The following TTYH2 variants were observed in gnomAD, a reference collection of about 807,000 sequenced individuals.
TTYH2 encodes the protein protein tweety homolog 2.
In TTYH2, 49 loss-of-function variants were observed where a neutral mutation model predicts 68.3. The observed-to-expected ratio is 0.72, with a 90% CI of 0.57 to 0.91. The LOEUF (loss-of-function observed/expected upper bound fraction) is 0.91, where lower values mean the gene tolerates loss of function less well. Ranked by LOEUF, TTYH2 falls within the 40% of genes least tolerant of loss-of-function variation. The probability of loss-of-function intolerance (pLI) is 0.00; values close to 1 mark genes in which losing one functional copy is unlikely to be tolerated. For missense variants in TTYH2, 631 were observed against 700.4 expected (o/e 0.90, Z 1.12); for synonymous variants, 272 against 300.8 (o/e 0.90, Z 0.99).
Position 74,239,826 on chromosome 17 carries a change from T to TGTCTGATGATTCTCCTGATGCATGGGC in TTYH2, c.635+2313_635+2339dup, listed in dbSNP as rs2050481374. On this transcript the variant is annotated intron_variant, in intron 4 of 13. Transcript: ENST00000269346. The surrounding 1 kb of genome is among the most constrained non-coding windows in gnomAD (Gnocchi z 5.3). ...ACCTCCTGTGGCCCCAAAACAGGGG[T>TGTCTGATGATTCTCCTGATGCATGGGC]GTCTGATGATTCTCCTGATGCATGG... Among the ~76,000 whole-genome samples, 1 of 152,016 alleles carries TGTCTGATGATTCTCCTGATGCATGGGC rather than the reference T, an allele frequency of 6.6e-6. No homozygotes were observed. The highest frequency in any genetic ancestry group is 1.5e-5 in the Non-Finnish European group (1 of 67,990).
At chr17:74,252,633 C>T (rs2050645507) in intron 11 of TTYH2, among the ~76,000 whole-genome samples, 1 of 152,270 alleles carries the variant, frequency 6.6e-6, no homozygotes, top group South Asian at 2.1e-4. Flanking sequence ...AGGCCACAGT[C>T]TGGCCTCCCT....
chr17:74,243,901 G>T, intron 5 of TTYH2, 76 bp from the exon 6 acceptor site: 2 of 1,433,330 alleles, frequency 1.4e-6, no homozygotes, highest in Non-Finnish European at 9.5e-7. Flanking sequence ...CAAGGGTCTG[G>T]GGGCAGGGTG....
intron 13 of TTYH2, among the ~76,000 whole-genome samples, chr17:74,256,211 G>A (rs998242373): frequency 1.3e-5 from 2 of 152,166 alleles, no homozygotes; most frequent in Non-Finnish European, 2.9e-5. Context: ...AATAGGTGGC[G>A]TTTGAGCCAC....
intron 6 of TTYH2, among the ~76,000 whole-genome samples, chr17:74,244,593 G>A (rs1041177309): frequency 2.5e-5 from 3 of 118,262 alleles, no homozygotes; most frequent in African/African-American, 8.8e-5. Flanking sequence ...GTCTCAAAAT[G>A]GCTTAAAAAA....
Position 74,241,282 on chromosome 17 carries a change from TG to T in TTYH2, c.636-2091del, listed in dbSNP as rs1411907840. On this transcript the variant is annotated intron_variant, in intron 4 of 13. Coordinates refer to ENST00000269346, the MANE Select transcript of TTYH2 (RefSeq NM_032646.6). The surrounding 1 kb of genome is among the most constrained non-coding windows in gnomAD (Gnocchi z 4.1). ...TAATACGTGTGTGTGTGTGTGTGTG[TG>T]TGTGTGTGTGTGTGCGTGTAAAAAT... Among the ~76,000 whole-genome samples, 19 of 151,298 alleles carry T rather than the reference TG, an allele frequency of 1.3e-4. No homozygotes were observed. The highest frequency in any genetic ancestry group is 4.2e-4 in the African/African-American group (17 of 40,908).
chr17:74,252,133 C>T, intron 10 of TTYH2, 101 bp from the exon 11 acceptor site: 1 of 1,504,886 alleles, frequency 6.6e-7, no homozygotes, highest in Non-Finnish European at 9.0e-7. Context: ...CCAGGAGACC[C>T]CAGGTCCAGG....
intron 13 of TTYH2, among the ~76,000 whole-genome samples, chr17:74,256,741 T>C (rs142014214): frequency 1.6e-4 from 24 of 152,330 alleles, no homozygotes; most frequent in Middle Eastern, 6.8e-3. Context: ...CTCCACCTCC[T>C]GAGTTCAAGC....
intron 2 of TTYH2, among the ~76,000 whole-genome samples, chr17:74,230,154 G>A (rs962578940): frequency 6.6e-6 from 1 of 152,024 alleles, no homozygotes; most frequent in African/African-American, 2.4e-5. Context: ...TAAAAATAAA[G>A]GGGTTAGAGG....
Position 74,232,660 on chromosome 17 carries a change from C to T in TTYH2, c.414+1661C>T, listed in dbSNP as rs919932081. On this transcript the variant is annotated intron_variant, in intron 3 of 13. Transcript: ENST00000269346. The surrounding 1 kb of genome is among the most constrained non-coding windows in gnomAD (Gnocchi z 5.1). ...GCTCTCTCTGCCCCTCCCTGCCATC[C>T]TGCTGCCTGCCTCCTCTTCACCCAC... 3.3e-5 allele frequency among the ~76,000 whole-genome samples: 5 copies of T among 152,176 alleles called. No homozygotes were observed. Among genetic ancestry groups the T allele is most frequent in the African/African-American group, 1.2e-4 (5 of 41,448 alleles).
intron 3 of TTYH2, among the ~76,000 whole-genome samples, chr17:74,231,438 C>G (rs982266725): frequency 1.3e-5 from 2 of 152,146 alleles, no homozygotes; most frequent in Non-Finnish European, 2.9e-5. Context: ...TCACTCCTGT[C>G]TTCCCAGCAC....
At chr17:74,244,884 T>TGTGTGTGTGTGTGTG (rs1567818120) in intron 6 of TTYH2, among the ~76,000 whole-genome samples, 6 of 121,030 alleles carry the variant, frequency 5.0e-5, no homozygotes, top group African/African-American at 2.3e-4. Flanking sequence ...GTGTGTGTGT[T>TGTGTGTGTGTGTGTG]TGTGTGTGTG....
chr17:74,259,245 C>A (rs888358460), intron 13 of TTYH2, among the ~76,000 whole-genome samples: 1 of 152,004 alleles, frequency 6.6e-6, no homozygotes, highest in Non-Finnish European at 1.5e-5. Flanking sequence ...GGTCTCGCTC[C>A]GTTGCCCAGG....
At chr17:74,258,423 G>A (rs1296227885) in intron 13 of TTYH2, among the ~76,000 whole-genome samples, 1 of 151,810 alleles carries the variant, frequency 6.6e-6, no homozygotes, top group South Asian at 2.1e-4. Context: ...CCACCACCAC[G>A]CCCAGCTGAC....
At chr17:74,251,968 A>G (rs1159046177) in intron 10 of TTYH2, 1 of 427,488 alleles carries the variant, frequency 2.3e-6, no homozygotes, top group Non-Finnish European at 4.2e-6. Flanking sequence ...CCACCCTGCA[A>G]CCTCCTCCGC....
rs1348603655 is a variant in TTYH2 at position 74,261,636 on chromosome 17, G to A, written c.*1427G>A. The A allele has an allele frequency of 6.6e-6, 1 of 152,568 alleles. No homozygotes were observed. The highest frequency in any genetic ancestry group is 1.5e-5 in the Non-Finnish European group (1 of 68,042). The allele number at this position is 152,568 out of a possible 1,614,324, so 9.5% of individuals were successfully genotyped here. On this transcript the variant is annotated 3_prime_UTR_variant, in exon 14 of 14. Transcript: ENST00000269346. The stretch of plus-strand genomic sequence containing the variant: ...CCCACGGCCTCGCACACTGAAGCAG[G>A]GGCGTGCGGTGACTCGGTGCTTCTG...
chr17:74,215,804 C>A lies in TTYH2; in HGVS notation c.129+2088C>A. On this transcript the variant is annotated intron_variant, in intron 1 of 13. Coordinates refer to ENST00000269346, the MANE Select transcript of TTYH2 (RefSeq NM_032646.6). The surrounding 1 kb of genome is among the most constrained non-coding windows in gnomAD (Gnocchi z 4.3). ...TAACAGAGTCAGGTGGACCGTCGGT[C>A]ATCCCAGTCTTCAGCAAGCTTGACT... 3.1e-6 allele frequency: 4 copies of A among 1,311,140 alleles called. No homozygotes were observed. In the South Asian group the frequency reaches 5.1e-5, roughly 17 times the overall value. The allele number at this position is 1,311,140 out of a possible 1,614,324, so 81.2% of individuals were successfully genotyped here.
chr17:74,236,342 A>G (rs2050442883), intron 3 of TTYH2, among the ~76,000 whole-genome samples: 1 of 152,250 alleles, frequency 6.6e-6, no homozygotes, highest in East Asian at 1.9e-4. Context: ...CTTTTCTCTT[A>G]TAGAACAATT....
intron 4 of TTYH2, among the ~76,000 whole-genome samples, chr17:74,242,989 A>G (rs1210818821): frequency 6.6e-6 from 1 of 151,732 alleles, no homozygotes; most frequent in East Asian, 1.9e-4. Flanking sequence ...AAAATTAAGT[A>G]AAGTTTAAAA....
At chr17:74,227,224 C>G (rs1480453971) in intron 2 of TTYH2, among the ~76,000 whole-genome samples, 1 of 152,204 alleles carries the variant, frequency 6.6e-6, no homozygotes, top group Non-Finnish European at 1.5e-5. Context: ...ATCTGCCTGC[C>G]TCAGCCTCCC....
Sources: gnomAD v4.1 joint callset for allele counts (sites outside exome capture counted in the v4.1 genomes callset) on GRCh38, gnomAD v4.1.1 for gene constraint, Gnocchi (gnomAD v3.1) non-coding constraint, MANE v1.5 for transcripts, NCBI Gene and HGNC (gene_info 2026-07-23, HGNC 2026-07-21) for gene names.